Variants in DAB1 observed in about 807,000 individuals in gnomAD.
The protein encoded by DAB1 is disabled homolog 1.
Under a neutral mutation model 64.6 loss-of-function variants are expected in DAB1, and 15 were observed. The ratio of observed to expected loss-of-function variants is 0.23; its 90% CI spans 0.16 to 0.36. The LOEUF is 0.36. DAB1 is among the 10% of genes least tolerant of loss of function. The pLI is 1.00. For missense variants in DAB1, 596 were observed against 706.7 expected, an observed-to-expected ratio of 0.84 and a Z score of 1.78; for synonymous variants, 235 against 251.9, an observed-to-expected ratio of 0.93 and a Z score of 0.64.
At chr1:57,748,950 C>T (rs1481354593) in intron 6 of DAB1, among the ~76,000 whole-genome samples, 1 of 152,178 alleles carries the variant, frequency 6.6e-6, no homozygotes, top group Non-Finnish European at 1.5e-5. Flanking sequence ...GACTCATTGC[C>T]CACATAAAAT....
At chr1:57,291,894 C>A (rs1219656892) in intron 1 of DAB1, among the ~76,000 whole-genome samples, 1 of 152,148 alleles carries the variant, frequency 6.6e-6, no homozygotes, top group African/African-American at 2.4e-5. Context: ...ACTTCACTTA[C>A]AGGTAATATT....
intron 4 of DAB1, among the ~76,000 whole-genome samples, chr1:58,257,263 G>A (rs1660953739): frequency 6.6e-6 from 1 of 152,234 alleles, no homozygotes; most frequent in Non-Finnish European, 1.5e-5. Context: ...CTCAGGGAGT[G>A]ACGCAGTTGA....
chr1:58,358,953 A>AACAC (rs57077530), intron 3 of DAB1, among the ~76,000 whole-genome samples: 30 of 123,972 alleles, frequency 2.4e-4, no homozygotes, highest in African/African-American at 4.0e-4. Context: ...CTCTCTCTGT[A>AACAC]ACACACACAC....
Position 58,142,703 on chromosome 1 carries a change from G to C in DAB1, n.387+7808C>G, listed in dbSNP as rs1435691026. On this transcript the variant is annotated intron_variant and non_coding_transcript_variant, in intron 5 of 20. Coordinates refer to the DAB1 transcript ENST00000485760. The stretch of plus-strand genomic sequence containing the variant: ...CTATATTTCACAGAAACTTCTTTTT[G>C]CAGCTTTTACCACCTGCCTAATTCG... 2.6e-5 allele frequency among the ~76,000 whole-genome samples: 4 copies of C among 152,264 alleles called. No individual in the cohort carries two copies. The East Asian group carries it at 7.7e-4, about 29-fold the overall frequency.
intron 4 of DAB1, among the ~76,000 whole-genome samples, chr1:58,247,237 GT>G (rs1201931752): frequency 6.9e-6 from 1 of 145,064 alleles, no homozygotes; most frequent in Non-Finnish European, 1.5e-5. Context: ...ATGTAAGGGT[GT>G]TTACTATTCA....
At chr1:57,457,371 CA>C (rs1382276561) in intron 7 of DAB1, among the ~76,000 whole-genome samples, 2 of 152,048 alleles carry the variant, frequency 1.3e-5, no homozygotes, top group Non-Finnish European at 1.5e-5. Context: ...CATTTGTTAG[CA>C]AAAACTAGGT....
intron 6 of DAB1, among the ~76,000 whole-genome samples, chr1:57,791,852 C>A (rs993381408): frequency 2.0e-5 from 3 of 152,108 alleles, no homozygotes; most frequent in Non-Finnish European, 2.9e-5. Flanking sequence ...GCTTGACCAC[C>A]CTCTCAATCT....
At chr1:58,489,283 C>A (rs1052184436) in intron 3 of DAB1, among the ~76,000 whole-genome samples, 53 of 152,220 alleles carry the variant, frequency 3.5e-4, no homozygotes, top group Admixed American at 3.5e-3. Context: ...AAACGGCACA[C>A]CAGGAGATTA....
chr1:58,408,021 G>A (rs1263357382), intron 3 of DAB1, among the ~76,000 whole-genome samples: 1 of 152,096 alleles, frequency 6.6e-6, no homozygotes, highest in Admixed American at 6.5e-5. Flanking sequence ...TCTCTAACAT[G>A]GTGGGTCTCA....
chr1:57,826,227 T>C (rs1229033336), exon 2 of DAB1: 2 of 152,266 alleles, frequency 1.3e-5, no homozygotes, highest in Non-Finnish European at 2.9e-5. Flanking sequence ...ATTGAGTTCC[T>C]ACTTTGTGCT....
At chr1:58,303,629 T>A (rs1662224637) in intron 4 of DAB1, among the ~76,000 whole-genome samples, 1 of 152,174 alleles carries the variant, frequency 6.6e-6, no homozygotes, top group Admixed American at 6.5e-5. Context: ...CATTCCTTTA[T>A]AAAGGGAAGT....
chr1:57,937,404 AT>A (rs1305099344), intron 5 of DAB1, among the ~76,000 whole-genome samples: 1 of 152,152 alleles, frequency 6.6e-6, no homozygotes, highest in Non-Finnish European at 1.5e-5. Flanking sequence ...AACTATGCTC[AT>A]GAGAGAAGGC....
chr1:57,512,724 C>T (rs1223555239), intron 7 of DAB1, among the ~76,000 whole-genome samples: 1 of 152,226 alleles, frequency 6.6e-6, no homozygotes, highest in East Asian at 1.9e-4. Context: ...CAGCTACTGG[C>T]ACAATCTCAC....
intron 5 of DAB1, among the ~76,000 whole-genome samples, chr1:58,053,972 T>C (rs560624418): frequency 1.3e-5 from 2 of 152,378 alleles, no homozygotes; most frequent in South Asian, 4.1e-4. Context: ...TATTTTCACT[T>C]GTATGCTATA....
chr1:58,227,118 C>T (rs375106962), intron 4 of DAB1, among the ~76,000 whole-genome samples: 3 of 152,270 alleles, frequency 2.0e-5, no homozygotes, highest in East Asian at 1.9e-4. Context: ...TATTTTCAAA[C>T]GCAGAAATAT....
At chr1:58,106,735 C>T (rs755596960) in intron 5 of DAB1, among the ~76,000 whole-genome samples, 2 of 152,128 alleles carry the variant, frequency 1.3e-5, no homozygotes, top group Non-Finnish European at 2.9e-5. Context: ...ATGACTCCAC[C>T]TAAGTCTTAT....
intron 5 of DAB1, among the ~76,000 whole-genome samples, chr1:57,905,381 G>T (rs1458634718): frequency 6.6e-6 from 1 of 152,082 alleles, no homozygotes; most frequent in South Asian, 2.1e-4. Context: ...CCTGCAGAGG[G>T]GAAAGAGGCA....
chr1:58,102,073 A>T (rs545589503), intron 5 of DAB1, among the ~76,000 whole-genome samples: 2 of 152,354 alleles, frequency 1.3e-5, no homozygotes, highest in South Asian at 4.1e-4. Context: ...TTCATGTATT[A>T]ACTTATTCAA....
chr1:57,475,212 G>T (rs1012658922), intron 7 of DAB1, among the ~76,000 whole-genome samples: 2 of 152,202 alleles, frequency 1.3e-5, no homozygotes, highest in Admixed American at 1.3e-4. Context: ...AGGAGGTGGA[G>T]GTTGCAGTGA....
Sources: gnomAD v4.1 joint callset for allele counts (sites outside exome capture counted in the v4.1 genomes callset) on GRCh38, gnomAD v4.1.1 for gene constraint, MANE v1.5 for transcripts, NCBI Gene and HGNC (gene_info 2026-07-23, HGNC 2026-07-21) for gene names.